Variants in RERG observed in about 807,000 individuals in gnomAD.
RERG encodes RAS like estrogen regulated growth inhibitor.
RERG carries 25 observed loss-of-function variants against 23.2 expected under a neutral mutation model. The observed-to-expected ratio is 1.08, with a 90% CI of 0.79 to 1.50. The LOEUF is 1.50. RERG is among the 40% of genes most tolerant of loss of function. The probability of loss-of-function intolerance (pLI) is 0.00; values close to 1 mark genes in which losing one functional copy is unlikely to be tolerated. For synonymous variants in RERG, 81 were observed against 89.1 expected, an observed-to-expected ratio of 0.91 and a Z score of 0.51; for missense variants, 253 against 250.1, an observed-to-expected ratio of 1.01 and a Z score of -0.08.
chr12:15,152,815 TTATTA>T (rs375149939), intron 2 of RERG, among the ~76,000 whole-genome samples: 1 of 152,170 alleles, frequency 6.6e-6, no homozygotes, highest in African/African-American at 2.4e-5. Context: ...AAGCCTAATA[TTATTA>T]TATTACTCTT....
intron 1 of RERG, among the ~76,000 whole-genome samples, chr12:15,219,974 C>T (rs1276992051): frequency 6.6e-6 from 1 of 152,082 alleles, no homozygotes; most frequent in Non-Finnish European, 1.5e-5. Context: ...TTATTGTCAA[C>T]CTAATTTTAT....
intron 1 of RERG, among the ~76,000 whole-genome samples, chr12:15,218,754 T>G (rs1175751262): frequency 1.3e-5 from 2 of 151,984 alleles, no homozygotes; most frequent in Non-Finnish European, 2.9e-5. Context: ...GCTTCTTTTT[T>G]CTAGGAACAT....
At chr12:15,174,804 TG>T (rs1464699295) in intron 2 of RERG, among the ~76,000 whole-genome samples, 1 of 152,140 alleles carries the variant, frequency 6.6e-6, no homozygotes, top group African/African-American at 2.4e-5. Flanking sequence ...ATTTCTATTT[TG>T]TTTTTTATAA....
chr12:15,177,134 T>C (rs1591659206), intron 2 of RERG, among the ~76,000 whole-genome samples: 1 of 152,234 alleles, frequency 6.6e-6, no homozygotes, highest in Non-Finnish European at 1.5e-5. Flanking sequence ...TATTTTGGCA[T>C]GATAAGTTCT....
Position 15,115,412 on chromosome 12 carries a change from A to G in RERG, c.119-3995T>C, listed in dbSNP as rs867702542. Among the ~76,000 whole-genome samples, 9 of 152,262 alleles carry G rather than the reference A, an allele frequency of 5.9e-5. No individual in the cohort carries two copies. The South Asian group carries it at 1.4e-3, about 25-fold the overall frequency. On this transcript the variant is annotated intron_variant, in intron 3 of 4. Coordinates refer to ENST00000256953, the MANE Select transcript of RERG (RefSeq NM_032918.3). ...TTTGGAGTTCAGGCTTGTAAATACC[A>G]TGCTTAGTTTCAAACACATTAGACT...
intron 3 of RERG, among the ~76,000 whole-genome samples, chr12:15,120,768 C>T (rs1863816828): frequency 6.6e-6 from 1 of 152,126 alleles, no homozygotes; most frequent in South Asian, 2.1e-4. Flanking sequence ...CTCTCTCTCC[C>T]ATTAGAATGA....
chr12:15,208,809 T>C (rs148337326), intron 2 of RERG, among the ~76,000 whole-genome samples: 97 of 152,352 alleles, frequency 6.4e-4, no homozygotes, highest in African/African-American at 2.1e-3. Flanking sequence ...TTTAAAGCTT[T>C]AATTTTTATA....
chr12:15,119,272 C>T (rs1863788562), intron 3 of RERG, among the ~76,000 whole-genome samples: 1 of 152,016 alleles, frequency 6.6e-6, no homozygotes, highest in Non-Finnish European at 1.5e-5. Flanking sequence ...CTGATGCAGG[C>T]AGATTACTAT....
rs766928581 is a variant in RERG at position 15,109,548 on chromosome 12, AC to A, written c.193-32del. 6.8e-5 allele frequency: 104 copies of A among 1,531,734 alleles called. No individual in the cohort carries two copies. In the African/African-American group the frequency reaches 1.4e-3, roughly 20 times the overall value. 94.9% of individuals were successfully genotyped at this position (1,531,734 alleles called of 1,614,324 possible). A position where few individuals can be genotyped will look rare whatever the true frequency, so the allele number is the denominator to read the frequency against. Reference sequence around the variant, plus strand: ...GGCAAAGAAAAATGGCCGTCAAGAGACCTGGAAATAATCAAAATATATGGAT... The same window carrying A: ...GGCAAAGAAAAATGGCCGTCAAGAGACTGGAAATAATCAAAATATATGGAT... On this transcript the variant is annotated intron_variant, in intron 4 of 4. Coordinates refer to ENST00000256953, the MANE Select transcript of RERG (RefSeq NM_032918.3).
At chr12:15,165,944 C>A (rs1273187420) in intron 2 of RERG, among the ~76,000 whole-genome samples, 2 of 152,116 alleles carry the variant, frequency 1.3e-5, no homozygotes, top group South Asian at 2.1e-4. Flanking sequence ...ACTGTAAGCT[C>A]CCCTGACCAT....
intron 2 of RERG, among the ~76,000 whole-genome samples, chr12:15,150,915 T>C (rs1864430037): frequency 6.6e-6 from 1 of 152,240 alleles, no homozygotes; most frequent in Non-Finnish European, 1.5e-5. Flanking sequence ...GCTAAATAAA[T>C]GGCTGCTATT....
intron 2 of RERG, among the ~76,000 whole-genome samples, chr12:15,140,200 C>T (rs1005071084): frequency 1.3e-5 from 2 of 152,022 alleles, no homozygotes; most frequent in Non-Finnish European, 2.9e-5. Flanking sequence ...GAGGATGAAA[C>T]CCTCATGACT....
At chr12:15,151,949 G>T (rs1436619265) in intron 2 of RERG, 2 of 152,186 alleles carry the variant, frequency 1.3e-5, no homozygotes, top group East Asian at 3.8e-4. Flanking sequence ...CATGTGCTAA[G>T]TACTGAAGTT....
intron 2 of RERG, among the ~76,000 whole-genome samples, chr12:15,205,287 A>C (rs1343062443): frequency 1.3e-5 from 2 of 151,944 alleles, no homozygotes; most frequent in African/African-American, 4.8e-5. Flanking sequence ...GGGAGGACTG[A>C]AGAAAGGGTG....
chr12:15,124,288 CAAG>C (rs10555398), intron 2 of RERG, among the ~76,000 whole-genome samples: 95,796 of 151,388 alleles, frequency 0.63, 30,613 homozygotes, highest in Admixed American at 0.73. Flanking sequence ...ACATCATTAT[CAAG>C]AAGAAGCAGG....
At chr12:15,180,022 T>G (rs536160682) in intron 2 of RERG, among the ~76,000 whole-genome samples, 1 of 152,112 alleles carries the variant, frequency 6.6e-6, no homozygotes, top group South Asian at 2.1e-4. Context: ...GATATAAAAT[T>G]CACACATATG....
At position 15,175,615 on chromosome 12, in the gene RERG, G is replaced by A. The variant is rs74890251; in HGVS notation, c.61+41814C>T. 4.6e-3 allele frequency among the ~76,000 whole-genome samples: 697 copies of A among 152,028 alleles called. 6 individuals are homozygous for A. The highest frequency in any genetic ancestry group is 0.016 in the African/African-American group (664 of 41,468). ...GGGACATCTCATTTCCCTTATCTACGTTTTAAGTTTCTGGCCAGGCTCTTG... is the reference window on the plus strand; with the variant it reads ...GGGACATCTCATTTCCCTTATCTACATTTTAAGTTTCTGGCCAGGCTCTTG... On this transcript the variant is annotated intron_variant, in intron 2 of 4. Coordinates refer to ENST00000256953, the MANE Select transcript of RERG (RefSeq NM_032918.3).
At chr12:15,115,438 C>T (rs569126597) in intron 3 of RERG, among the ~76,000 whole-genome samples, 2 of 152,024 alleles carry the variant, frequency 1.3e-5, no homozygotes, top group Non-Finnish European at 2.9e-5. Context: ...ACATTAGACT[C>T]TGCACTTAAA....
At chr12:15,220,598 A>T (rs143114027) in intron 1 of RERG, among the ~76,000 whole-genome samples, 95 of 152,298 alleles carry the variant, frequency 6.2e-4, no homozygotes, top group Admixed American at 1.2e-3. Context: ...ATCAAGGTTC[A>T]TGCTTTCTAC....
Sources: allele counts gnomAD v4.1 joint callset (sites outside exome capture counted in the v4.1 genomes callset), GRCh38; gene constraint gnomAD v4.1.1; transcripts MANE v1.5; gene names NCBI Gene and HGNC (gene_info 2026-07-23, HGNC 2026-07-21).